Variants in RP1 observed in about 807,000 individuals in gnomAD.
RP1 encodes RP1 axonemal microtubule associated, also known as oxygen-regulated protein 1.
RP1 carries 16 observed loss-of-function variants against 14.8 expected under a neutral mutation model. That is an observed-to-expected ratio of 1.08 (90% CI 0.73 to 1.65). The LOEUF (loss-of-function observed/expected upper bound fraction) is 1.65, where lower values mean the gene tolerates loss of function less well. Ranked by LOEUF, RP1 falls within the 40% of genes most tolerant of loss-of-function variation. RP1 has a pLI of 0.00. For missense variants in RP1, 2,631 were observed against 2,535.0 expected (o/e 1.04, Z -0.81); for synonymous variants, 876 against 883.6 (o/e 0.99, Z 0.15).
chr8:54,854,584 G>A (rs4737218), intron 26 of RP1, among the ~76,000 whole-genome samples: 45,532 of 152,120 alleles, frequency 0.3, 7,086 homozygotes, highest in South Asian at 0.37. Context: ...TTAATTGTGG[G>A]CTGGGCACAG....
chr8:54,638,450 A>C (rs975826603), intron 3 of RP1, among the ~76,000 whole-genome samples: 1 of 152,082 alleles, frequency 6.6e-6, no homozygotes, highest in African/African-American at 2.4e-5. Context: ...AAAAAAAAAA[A>C]AAACATACCG....
At chr8:54,622,669 C>T (rs769755808) in intron 3 of RP1, among the ~76,000 whole-genome samples, 4 of 152,198 alleles carry the variant, frequency 2.6e-5, no homozygotes, top group Non-Finnish European at 5.9e-5. Context: ...CTGACCTCAG[C>T]AGGTTAGCAG....
At chr8:54,610,272 C>T (rs562898641) in intron 1 of RP1, among the ~76,000 whole-genome samples, 3 of 152,230 alleles carry the variant, frequency 2.0e-5, no homozygotes, top group East Asian at 1.9e-4. Flanking sequence ...TGTTGATGCA[C>T]CTTTTCCTCA....
intron 12 of RP1, chr8:54,680,058 C>A: frequency 8.1e-7 from 1 of 1,229,406 alleles, no homozygotes; most frequent in Non-Finnish European, 1.1e-6. Flanking sequence ...AAGTGTTAGG[C>A]CATTTAAATA....
chr8:54,824,050 A>T (rs981545882), intron 24 of RP1, among the ~76,000 whole-genome samples: 1 of 151,930 alleles, frequency 6.6e-6, no homozygotes, highest in Admixed American at 6.6e-5. Context: ...ACATCTTTTC[A>T]TATGCTTATT....
intron 24 of RP1, among the ~76,000 whole-genome samples, chr8:54,793,238 C>T (rs1387388566): frequency 1.3e-5 from 2 of 151,834 alleles, no homozygotes; most frequent in Non-Finnish European, 2.9e-5. Flanking sequence ...ATTCTGAGTT[C>T]TACCAAACAT....
intron 12 of RP1, among the ~76,000 whole-genome samples, chr8:54,691,591 A>G (rs2129339509): frequency 6.6e-6 from 1 of 152,078 alleles, no homozygotes; most frequent in East Asian, 1.9e-4. Flanking sequence ...AGATTATTAA[A>G]GCAGACTTCC....
intron 28 of RP1, among the ~76,000 whole-genome samples, chr8:54,866,127 G>GA (rs1409222024): frequency 1.3e-5 from 2 of 151,918 alleles, no homozygotes. Flanking sequence ...TTTCTCTTCT[G>GA]AAAAAAGTAT....
chr8:54,663,583 G>A (rs952604601), intron 6 of RP1: 4 of 964,810 alleles, frequency 4.1e-6, no homozygotes, highest in Non-Finnish European at 5.6e-6. Flanking sequence ...GTGGTTTCTG[G>A]CATCCACTGG....
chr8:54,704,182 C>T (rs1808095641), intron 14 of RP1, among the ~76,000 whole-genome samples: 1 of 152,206 alleles, frequency 6.6e-6, no homozygotes, highest in South Asian at 2.1e-4. Flanking sequence ...CAGCTTTTGA[C>T]AGATCTTCCT....
At chr8:54,834,785 C>A (rs1051015943) in intron 24 of RP1, among the ~76,000 whole-genome samples, 1 of 151,640 alleles carries the variant, frequency 6.6e-6, no homozygotes, top group Non-Finnish European at 1.5e-5. Flanking sequence ...ACATTCCTGC[C>A]CTGAGTTGAA....
intron 24 of RP1, among the ~76,000 whole-genome samples, chr8:54,824,591 G>T (rs1811338795): frequency 6.6e-6 from 1 of 152,130 alleles, no homozygotes; most frequent in South Asian, 2.1e-4. Flanking sequence ...ACTAAAACGA[G>T]ATAAACACAT....
At chr8:54,856,640 T>G (rs553011936) in intron 26 of RP1, among the ~76,000 whole-genome samples, 3 of 152,120 alleles carry the variant, frequency 2.0e-5, no homozygotes, top group African/African-American at 7.2e-5. Context: ...AATGAGAAAG[T>G]GAGTAGTACT....
rs1038452381 is a variant in RP1, at chr8:54,663,620, T to G, written c.1172-79T>G. 6 of 1,324,704 alleles carry G rather than the reference T, an allele frequency of 4.5e-6. No homozygotes were observed. In the African/African-American group the frequency reaches 6.0e-5, roughly 13 times the overall value. The allele number at this position is 1,324,704 out of a possible 1,614,324, so 82.1% of individuals were successfully genotyped here. A position where few individuals can be genotyped will look rare whatever the true frequency, so the allele number is the denominator to read the frequency against. ...GATCTTGGAACTTTTCCACCATGGA[T>G]AAGAGGAGATTTCTGTATGTAATTT... On this transcript the variant is annotated intron_variant, in intron 6 of 22. Transcript: ENST00000636932.
At chr8:54,661,174 G>A (rs1806882960) in intron 6 of RP1, among the ~76,000 whole-genome samples, 1 of 146,018 alleles carries the variant, frequency 6.8e-6, no homozygotes, top group South Asian at 2.1e-4. Flanking sequence ...TTATGAATAT[G>A]TAATATAATA....
At chr8:54,574,192 C>G (rs1003978925) in intron 1 of RP1, among the ~76,000 whole-genome samples, 1 of 152,196 alleles carries the variant, frequency 6.6e-6, no homozygotes, top group Non-Finnish European at 1.5e-5. Flanking sequence ...GAGGGAAACA[C>G]AGTTCCTCAG....
chr8:54,836,140 A>AAAGGT (rs1157554752), intron 24 of RP1, among the ~76,000 whole-genome samples: 1 of 152,192 alleles, frequency 6.6e-6, no homozygotes, highest in Non-Finnish European at 1.5e-5. Context: ...TTTAGTAGAA[A>AAAGGT]AAGGTAGCAG....
At chr8:54,574,175 C>A (rs1428067382) in intron 1 of RP1, among the ~76,000 whole-genome samples, 1 of 152,140 alleles carries the variant, frequency 6.6e-6, no homozygotes, top group Non-Finnish European at 1.5e-5. Flanking sequence ...ACAGGGCACA[C>A]AGAGATGAGG....
intron 19 of RP1, among the ~76,000 whole-genome samples, chr8:54,745,982 C>CA (rs1026283130): frequency 2.0e-5 from 3 of 152,018 alleles, no homozygotes; most frequent in African/African-American, 7.2e-5. Flanking sequence ...ATACTATTTC[C>CA]AAAAAAGAAA....
Sources: gnomAD v4.1 joint callset for allele counts (sites outside exome capture counted in the v4.1 genomes callset) on GRCh38, gnomAD v4.1.1 for gene constraint, MANE v1.5 for transcripts, NCBI Gene and HGNC (gene_info 2026-07-23, HGNC 2026-07-21) for gene names.